The following LRRIQ1 variants were observed in gnomAD, a reference collection of about 807,000 sequenced individuals.
LRRIQ1 encodes leucine rich repeats and IQ motif containing 1.
In LRRIQ1, 210 loss-of-function variants were observed where a neutral mutation model predicts 211.9. That is an observed-to-expected ratio of 0.99 (90% CI 0.89 to 1.11). The LOEUF (loss-of-function observed/expected upper bound fraction) is 1.11. Ranked by LOEUF, LRRIQ1 falls within the 50% of genes most tolerant of loss-of-function variation. The probability of loss-of-function intolerance (pLI) is 0.00; values close to 1 mark genes in which losing one functional copy is unlikely to be tolerated. For synonymous variants in LRRIQ1, 699 were observed against 650.1 expected (o/e 1.08, Z -1.14); for missense variants, 2,136 against 1,939.5 (o/e 1.10, Z -1.90).
At chr12:85,162,727 T>C in intron 24 of LRRIQ1, 2 of 455,264 alleles carry the variant, frequency 4.4e-6, no homozygotes, top group Non-Finnish European at 8.8e-6. Context: ...AGCTTTACGA[T>C]GTGATGTTCT....
intron 24 of LRRIQ1, among the ~76,000 whole-genome samples, chr12:85,225,182 A>G (rs1436004082): frequency 1.3e-5 from 2 of 152,092 alleles, no homozygotes; most frequent in Non-Finnish European, 2.9e-5. Context: ...AGTTTATATT[A>G]TATTGGGCAT....
At position 85,098,511 on chromosome 12, in the gene LRRIQ1, T is replaced by C. The variant is rs1886093327; in HGVS notation, c.3044T>C (p.Leu1015Pro). ...DVEGVENCGL[L>P]QILKLQGNYL... ...GAGGGCGTTGAAAATTGTGGATTGCTCCAAATATTGAAGTTACAGGGAAAT... is the reference window on the plus strand; with the variant it reads ...GAGGGCGTTGAAAATTGTGGATTGCCCCAAATATTGAAGTTACAGGGAAAT... The change falls in exon 12 of 27, where the codon CTC (leucine) becomes CCC (proline). Residue 1015 changes from leucine to proline, a missense_variant. Leu to Pro is a moderately conservative substitution (Grantham distance 98). Transcript: ENST00000393217. The C allele has an allele frequency of 6.2e-7, 1 of 1,610,202 alleles. No individual in the cohort carries two copies. Among genetic ancestry groups the C allele is most frequent in the African/African-American group, 1.3e-5 (1 of 74,810 alleles).
At chr12:85,099,916 C>T (rs1565831985) in intron 13 of LRRIQ1, among the ~76,000 whole-genome samples, 1 of 151,656 alleles carries the variant, frequency 6.6e-6, no homozygotes. Context: ...CAAAAAATCC[C>T]CTCAAATTAC....
chr12:85,142,770 G>A (rs1006917244), intron 19 of LRRIQ1, among the ~76,000 whole-genome samples: 3 of 151,372 alleles, frequency 2.0e-5, no homozygotes, highest in South Asian at 2.1e-4. Flanking sequence ...TATCCTCTTC[G>A]TTCATTCACG....
chr12:85,069,115 G>A (rs925493990), intron 10 of LRRIQ1, among the ~76,000 whole-genome samples: 10 of 63,454 alleles, frequency 1.6e-4, no homozygotes, highest in African/African-American at 5.2e-4. Context: ...AACAGTCCCC[G>A]GTATGTGATG....
chr12:85,091,398 C>T (rs909361495), intron 11 of LRRIQ1, among the ~76,000 whole-genome samples: 1 of 151,826 alleles, frequency 6.6e-6, no homozygotes, highest in Non-Finnish European at 1.5e-5. Context: ...GTATTTTAGA[C>T]CTTTGTCAGA....
intron 26 of LRRIQ1, among the ~76,000 whole-genome samples, chr12:85,239,932 C>G (rs1895387877): frequency 1.3e-5 from 2 of 151,974 alleles, no homozygotes; most frequent in South Asian, 2.1e-4. Flanking sequence ...GAACTGAGAT[C>G]ACACCACTGC....
intron 24 of LRRIQ1, among the ~76,000 whole-genome samples, chr12:85,190,515 T>TATAA (rs1302917531): frequency 8.1e-5 from 12 of 148,410 alleles, no homozygotes; most frequent in African/African-American, 2.5e-4. Flanking sequence ...TGTGCATTAA[T>TATAA]ATAAGTGAAC....
At chr12:85,266,735 T>C (rs1896429030), downstream of LRRIQ1, among the ~76,000 whole-genome samples, 1 of 152,278 alleles carries the variant, frequency 6.6e-6, no homozygotes, top group African/African-American at 2.4e-5. Flanking sequence ...ACTGCCAATG[T>C]CTGCTGTAGC....
chr12:85,192,102 T>G (rs1480473087), intron 24 of LRRIQ1, among the ~76,000 whole-genome samples: 2 of 151,720 alleles, frequency 1.3e-5, no homozygotes, highest in African/African-American at 4.8e-5. Flanking sequence ...AGGTAATAAG[T>G]GTAAGTATTA....
At chr12:85,057,327 AT>A (rs1359151254) in intron 8 of LRRIQ1, 143 bp downstream of exon 8, 2 of 681,124 alleles carry the variant, frequency 2.9e-6, no homozygotes, top group African/African-American at 3.8e-5. Context: ...ATATTACCCC[AT>A]TTGGGAGGGG....
chr12:85,229,693 A>G, intron 25 of LRRIQ1, 44 bp downstream of exon 25: 7 of 1,575,338 alleles, frequency 4.4e-6, no homozygotes, highest in African/African-American at 1.4e-5. Context: ...TTGTAAACAC[A>G]TCTTGAAAAT....
chr12:85,049,814 A>G (rs1197295185), intron 6 of LRRIQ1, among the ~76,000 whole-genome samples: 1 of 152,194 alleles, frequency 6.6e-6, no homozygotes, highest in Non-Finnish European at 1.5e-5. Context: ...TTATACTCAC[A>G]GGTTTCTTTC....
intron 24 of LRRIQ1, among the ~76,000 whole-genome samples, chr12:85,170,480 T>C (rs939484793): frequency 3.9e-4 from 59 of 150,558 alleles, no homozygotes; most frequent in African/African-American, 1.4e-3. Flanking sequence ...TATATGTATA[T>C]ATAATTTACA....
chr12:85,146,937 C>G (rs993039778), intron 19 of LRRIQ1, among the ~76,000 whole-genome samples: 1 of 151,734 alleles, frequency 6.6e-6, no homozygotes, highest in Non-Finnish European at 1.5e-5. Flanking sequence ...TATTACCTTC[C>G]ATGCATTTTT....
intron 13 of LRRIQ1, 27 bp from the exon 14 acceptor site, chr12:85,103,977 T>G (rs1435879490): frequency 2.1e-6 from 3 of 1,442,490 alleles, no homozygotes; most frequent in Non-Finnish European, 2.9e-6. Context: ...TTTAGAATTT[T>G]GATGAAGTTT....
intron 24 of LRRIQ1, among the ~76,000 whole-genome samples, chr12:85,213,602 A>G (rs1270462232): frequency 6.6e-6 from 1 of 152,018 alleles, no homozygotes; most frequent in East Asian, 1.9e-4. Context: ...TCAGGTATCA[A>G]AAAATGTCTT....
At chr12:85,151,666 G>T (rs1890254795) in intron 19 of LRRIQ1, among the ~76,000 whole-genome samples, 1 of 151,574 alleles carries the variant, frequency 6.6e-6, no homozygotes, top group South Asian at 2.1e-4. Context: ...GGAGAAATAT[G>T]TCTTAAGAGA....
chr12:85,269,358 A>G (rs147169445), downstream of LRRIQ1, among the ~76,000 whole-genome samples: 83 of 152,052 alleles, frequency 5.5e-4, no homozygotes, highest in African/African-American at 1.9e-3. Flanking sequence ...TTGAAATAAA[A>G]TTAGACATGG....
Sources: allele counts gnomAD v4.1 joint callset (sites outside exome capture counted in the v4.1 genomes callset), GRCh38; gene constraint gnomAD v4.1.1; transcripts MANE v1.5; gene names NCBI Gene and HGNC (gene_info 2026-07-23, HGNC 2026-07-21).